The following UNC5D variants were observed in gnomAD, a reference collection of about 807,000 sequenced individuals.
UNC5D encodes unc-5 netrin receptor D.
UNC5D carries 39 observed loss-of-function variants against 105.4 expected under a neutral mutation model. That is an observed-to-expected ratio of 0.37 (90% CI 0.29 to 0.48). The LOEUF (loss-of-function observed/expected upper bound fraction) is 0.48, where lower values mean the gene tolerates loss of function less well. Among genes scored for constraint, UNC5D ranks in the 20% least tolerant of loss-of-function variants. The probability of loss-of-function intolerance (pLI) is 0.98; values close to 1 mark genes in which losing one functional copy is unlikely to be tolerated. For synonymous variants in UNC5D, 452 were observed against 450.4 expected, an observed-to-expected ratio of 1.00 and a Z score of -0.04; for missense variants, 991 against 1,202.4, an observed-to-expected ratio of 0.82 and a Z score of 2.60.
chr8:35,248,695 A>G lies in UNC5D; in HGVS notation c.103+12808A>G, dbSNP rs188220799. Among the ~76,000 whole-genome samples, 755 of 97,850 alleles carry G rather than the reference A, an allele frequency of 7.7e-3. 3 individuals are homozygous for G. Among genetic ancestry groups the G allele is most frequent in the Middle Eastern group, 0.014 (1 of 74 alleles). The allele number at this position is 97,850 out of a possible 152,430, so 64.2% of individuals were successfully genotyped here. A position where few individuals can be genotyped will look rare whatever the true frequency, so the allele number is the denominator to read the frequency against. ...GTTATATATAATATATATAAAATAT[A>G]TAAAAATATATAATATATATAAAAT... is the stretch of plus-strand genomic sequence containing the variant. On this transcript the variant is annotated intron_variant, in intron 1 of 16. Coordinates refer to ENST00000404895, the MANE Select transcript of UNC5D (RefSeq NM_080872.4).
At chr8:35,326,276 C>T (rs913011928) in intron 1 of UNC5D, among the ~76,000 whole-genome samples, 5 of 152,094 alleles carry the variant, frequency 3.3e-5, no homozygotes, top group South Asian at 2.1e-4. Context: ...AAGACTGTAG[C>T]GAGCACCATG....
At chr8:35,455,696 C>T (rs1348788861) in intron 1 of UNC5D, among the ~76,000 whole-genome samples, 1 of 151,630 alleles carries the variant, frequency 6.6e-6, no homozygotes, top group Non-Finnish European at 1.5e-5. Context: ...AAACAAAGAG[C>T]TGTAATGGAC....
chr8:35,527,177 A>G (rs1813941776), intron 1 of UNC5D, among the ~76,000 whole-genome samples: 1 of 150,708 alleles, frequency 6.6e-6, no homozygotes, highest in Non-Finnish European at 1.5e-5. Context: ...TAATCCTTTT[A>G]CCTTCAAGTA....
intron 1 of UNC5D, among the ~76,000 whole-genome samples, chr8:35,412,663 A>T (rs897765410): frequency 6.6e-6 from 1 of 152,096 alleles, no homozygotes; most frequent in Non-Finnish European, 1.5e-5. Context: ...TAAATAAAGC[A>T]CTATGAGGCC....
chr8:35,549,950 T>A (rs1815991367), intron 2 of UNC5D, among the ~76,000 whole-genome samples: 1 of 133,526 alleles, frequency 7.5e-6, no homozygotes, highest in Admixed American at 8.0e-5. Context: ...GGTTTCTGAG[T>A]CCTTTTTTTT....
intron 4 of UNC5D, among the ~76,000 whole-genome samples, chr8:35,646,587 G>GA (rs1325808349): frequency 2.6e-5 from 4 of 151,988 alleles, no homozygotes; most frequent in African/African-American, 9.7e-5. Flanking sequence ...AATGACAGAT[G>GA]ATTTATAGTA....
At chr8:35,335,355 G>C (rs950145780) in intron 1 of UNC5D, among the ~76,000 whole-genome samples, 1 of 152,098 alleles carries the variant, frequency 6.6e-6, no homozygotes, top group African/African-American at 2.4e-5. Flanking sequence ...TTAAATTTCT[G>C]TTCTATCTAC....
chr8:35,735,681 AGAG>A (rs541033864), intron 11 of UNC5D, among the ~76,000 whole-genome samples: 97 of 152,380 alleles, frequency 6.4e-4, no homozygotes, highest in African/African-American at 2.3e-3. Flanking sequence ...TCTGGAAAAT[AGAG>A]AAGAAAGGAT....
rs144274767 is a variant in UNC5D at position 35,365,276 on chromosome 8, G to A, written c.103+129389G>A. Among the ~76,000 whole-genome samples the A allele has an allele frequency of 2.7e-3, 412 of 152,138 alleles. 2 individuals are homozygous for A. The highest frequency in any genetic ancestry group is 9.3e-3 in the African/African-American group (387 of 41,518). On this transcript the variant is annotated intron_variant, in intron 1 of 16. Coordinates refer to ENST00000404895, the MANE Select transcript of UNC5D (RefSeq NM_080872.4). Reference sequence around the variant, plus strand: ...GTGTTTCATTTTGCACAACTGAGCAGATGCATAGATTTTTTTTATACAGTC... The same window carrying A: ...GTGTTTCATTTTGCACAACTGAGCAAATGCATAGATTTTTTTTATACAGTC...
intron 1 of UNC5D, among the ~76,000 whole-genome samples, chr8:35,531,028 T>C (rs1256115727): frequency 6.6e-6 from 1 of 151,208 alleles, no homozygotes; most frequent in Non-Finnish European, 1.5e-5. Flanking sequence ...TTGAAGGTTT[T>C]TTGTGTCTCT....
intron 1 of UNC5D, among the ~76,000 whole-genome samples, chr8:35,311,044 G>A (rs1808838743): frequency 6.6e-6 from 1 of 152,184 alleles, no homozygotes; most frequent in South Asian, 2.1e-4. Flanking sequence ...AGAGAATAAA[G>A]TCATCATAGG....
chr8:35,587,850 T>C (rs947638829), intron 3 of UNC5D, among the ~76,000 whole-genome samples: 2 of 151,184 alleles, frequency 1.3e-5, no homozygotes. Flanking sequence ...ATTACAGAAA[T>C]TTTGGAAAAT....
intron 1 of UNC5D, among the ~76,000 whole-genome samples, chr8:35,285,475 A>G (rs972709389): frequency 2.6e-5 from 4 of 152,230 alleles, no homozygotes; most frequent in African/African-American, 7.2e-5. Flanking sequence ...ATATGTGAAT[A>G]ACGTTAAATT....
rs373827661 is a variant in UNC5D, at chr8:35,315,359, G to A, written c.103+79472G>A. ...TGGCTGGATTTGCTCCTTCATCTGC[G>A]CTCAGCTGTTCATCTGGGATGGCCT... On this transcript the variant is annotated intron_variant, in intron 1 of 16. Coordinates refer to ENST00000404895, the MANE Select transcript of UNC5D (RefSeq NM_080872.4). Among the ~76,000 whole-genome samples the A allele has an allele frequency of 2.2e-4, 34 of 152,216 alleles. 1 individual carries two copies. Among genetic ancestry groups the A allele is most frequent in the African/African-American group, 7.5e-4 (31 of 41,532 alleles).
rs750181741 is a variant in UNC5D at position 35,439,597 on chromosome 8, T to G, written c.104-109695T>G. 3.3e-4 allele frequency among the ~76,000 whole-genome samples: 50 copies of G among 152,200 alleles called. 1 individual carries two copies. The highest frequency in any genetic ancestry group is 2.4e-3 in the Admixed American group (36 of 15,262). On this transcript the variant is annotated intron_variant, in intron 1 of 16. Coordinates refer to ENST00000404895, the MANE Select transcript of UNC5D (RefSeq NM_080872.4). ...AAGCTATGGAAAAGCAACACCCTAATTCTTCAGGCTTCATTTTCTCCACCT... is the reference window on the plus strand; with the variant it reads ...AAGCTATGGAAAAGCAACACCCTAAGTCTTCAGGCTTCATTTTCTCCACCT...
At chr8:35,697,106 GAGAT>G (rs143977870) in intron 7 of UNC5D, among the ~76,000 whole-genome samples, 621 of 150,846 alleles carry the variant, frequency 4.1e-3, no homozygotes, top group African/African-American at 0.013. Context: ...TTAAAAACTT[GAGAT>G]AGATAGATAC....
intron 1 of UNC5D, among the ~76,000 whole-genome samples, chr8:35,386,308 AGAAAC>A (rs1299119778): frequency 6.6e-6 from 1 of 152,224 alleles, no homozygotes; most frequent in Non-Finnish European, 1.5e-5. Flanking sequence ...TAGCAAATAG[AGAAAC>A]ATGGTATTTC....
In UNC5D at chr8:35,750,818, T is replaced by A. The variant is rs777175824; in HGVS notation, c.2163+9T>A. 34 of 1,613,408 alleles carry A rather than the reference T, an allele frequency of 2.1e-5. No homozygotes were observed. The highest frequency in any genetic ancestry group is 2.7e-5 in the Non-Finnish European group (32 of 1,179,524). On this transcript the variant is annotated intron_variant, in intron 13 of 16. Coordinates refer to ENST00000404895, the MANE Select transcript of UNC5D (RefSeq NM_080872.4). ...CCCCTTGTGCATTTCAGGTTAGCCT[T>A]TGTTTTAATAATTTTCTTTTGGTGT...
chr8:35,322,445 T>C (rs948655484), intron 1 of UNC5D, among the ~76,000 whole-genome samples: 2 of 152,154 alleles, frequency 1.3e-5, no homozygotes, highest in African/African-American at 2.4e-5. Context: ...ACTCACCTTT[T>C]TAGCTTCATT....
Sources: allele counts gnomAD v4.1 joint callset (sites outside exome capture counted in the v4.1 genomes callset), GRCh38; gene constraint gnomAD v4.1.1; transcripts MANE v1.5; gene names NCBI Gene and HGNC (gene_info 2026-07-23, HGNC 2026-07-21).